CCDC88B: variants seen among roughly 807,000 people sequenced by gnomAD.
CCDC88B encodes the protein coiled-coil and HOOK domain protein 88B.
Under a neutral mutation model 183.7 loss-of-function variants are expected in CCDC88B, and 138 were observed. That is an observed-to-expected ratio of 0.75 (90% CI 0.65 to 0.87). CCDC88B has a LOEUF of 0.87. Among genes scored for constraint, CCDC88B ranks in the 40% least tolerant of loss-of-function variants. The probability of loss-of-function intolerance (pLI) is 0.00; values close to 1 mark genes in which losing one functional copy is unlikely to be tolerated. For missense variants in CCDC88B, 1,822 were observed against 1,965.6 expected (o/e 0.93, Z 1.38); for synonymous variants, 835 against 867.5 (o/e 0.96, Z 0.66).
At position 64,343,211 on chromosome 11, in the gene CCDC88B, G is replaced by C. The variant is rs479552; in HGVS notation, c.1095G>C (p.Ala365=). The change falls in exon 11 of 27, where the codon GCG becomes GCC. Residue 365 remains alanine, a synonymous_variant. Coordinates refer to ENST00000356786, the MANE Select transcript of CCDC88B (RefSeq NM_032251.6). The stretch of plus-strand genomic sequence containing the variant: ...GGGTGCTCTCGGGGGTGCTGGAGGC[G>C]TCCAAGGCGCTGCTGGAAGAGCAGC... ...EERVLSGVLE[A]SKALLEEQLE... is the part of the protein sequence containing the mutation. The C allele has an allele frequency of 0.37, 574,018 of 1,543,122 alleles. 107,888 individuals carry two copies. The highest frequency in any genetic ancestry group is 0.42 in the South Asian group (35,308 of 83,940).
rs758473777 is a variant in CCDC88B at position 64,357,220 on chromosome 11, G to T, written c.*126G>T. Reference sequence around the variant, plus strand: ...GGGGAGTCCTTGGACAAGGAGGCCTGGGCCCTGAGATCCTCCACGGTCAGC... The same window carrying T: ...GGGGAGTCCTTGGACAAGGAGGCCTTGGCCCTGAGATCCTCCACGGTCAGC... On this transcript the variant is annotated 3_prime_UTR_variant, in exon 27 of 27. Coordinates refer to ENST00000356786, the MANE Select transcript of CCDC88B (RefSeq NM_032251.6). The T allele has an allele frequency of 3.4e-6, 4 of 1,173,054 alleles. No homozygotes were observed. In the East Asian group the frequency reaches 9.6e-5, roughly 28 times the overall value. The allele number at this position is 1,173,054 out of a possible 1,614,324, so 72.7% of individuals were successfully genotyped here.
At chr11:64,350,703 CAAAA>C (rs971806620) in intron 16 of CCDC88B, 2 of 151,520 alleles carry the variant, frequency 1.3e-5, no homozygotes, top group Admixed American at 6.6e-5. Context: ...CCCAAAAAAA[CAAAA>C]AAAACCCTAA....
In CCDC88B at chr11:64,344,774, G is replaced by A. The variant is rs781247332; in HGVS notation, c.2233G>A (p.Gly745Arg). 2.5e-6 allele frequency: 4 copies of A among 1,613,958 alleles called. No homozygotes were observed. The highest frequency in any genetic ancestry group is 1.3e-5 in the African/African-American group (1 of 75,052). Residue 745 changes from glycine (G) to arginine (R), a missense_variant, in exon 14 of 27, where the codon GGA becomes AGA. Physicochemically the swap from Gly to Arg is moderately radical, Grantham distance 125 (BLOSUM62 -2). Transcript: ENST00000356786. The surrounding 1 kb of genome is among the most constrained non-coding windows in gnomAD (Gnocchi z 4.5). ...AQLRRKAEAL[G>R]DELEAQARKL... ...GTTGAGGAGAAAGGCTGAGGCCCTTGGAGATGAGCTGGAAGCCCAGGCCCG... is the reference window on the plus strand; with the variant it reads ...GTTGAGGAGAAAGGCTGAGGCCCTTAGAGATGAGCTGGAAGCCCAGGCCCG...
At chr11:64,349,021 C>T in intron 14 of CCDC88B, 1 of 717,630 alleles carries the variant, frequency 1.4e-6, no homozygotes, top group Non-Finnish European at 2.6e-6. Context: ...CCACCTTTCA[C>T]TGCGCACATG....
At chr11:64,355,755 G>C in intron 26 of CCDC88B, 127 bp downstream of exon 26, 2 of 861,746 alleles carry the variant, frequency 2.3e-6, no homozygotes, top group Non-Finnish European at 3.5e-6. Flanking sequence ...TGCTGGCAGG[G>C]GACACAGCAG....
chr11:64,356,965 C>T (rs1034586341), intron 26 of CCDC88B, 74 bp from the exon 27 acceptor site: 20 of 1,465,186 alleles, frequency 1.4e-5, no homozygotes, highest in Middle Eastern at 1.9e-4. Flanking sequence ...AGAAGGTGCT[C>T]GAGCCTGTGG....
chr11:64,357,515 G>A lies in CCDC88B; in HGVS notation c.*421G>A, dbSNP rs916028078. On this transcript the variant is annotated 3_prime_UTR_variant, in exon 27 of 27. Transcript: ENST00000356786. ...TGGACATGAGGGGCATGAGAATAAA[G>A]CTGAACTGCAGCCTCCTGAGTCTTG... is the stretch of plus-strand genomic sequence containing the variant. 20 of 689,920 alleles carry A rather than the reference G, an allele frequency of 2.9e-5. No individual in the cohort carries two copies. The highest frequency in any genetic ancestry group is 5.4e-5 in the Non-Finnish European group (20 of 369,052). 42.7% of individuals were successfully genotyped at this position (689,920 alleles called of 1,614,324 possible).
rs775777189 is a variant in CCDC88B at position 64,354,076 on chromosome 11, G to A, written c.4005G>A (p.Gly1335=). 1.5e-5 allele frequency: 22 copies of A among 1,436,750 alleles called. No homozygotes were observed. Among genetic ancestry groups the A allele is most frequent in the Admixed American group, 2.6e-5 (1 of 38,608 alleles). The allele number at this position is 1,436,750 out of a possible 1,614,324, so 89.0% of individuals were successfully genotyped here. Residue 1335 remains glycine, a synonymous_variant, in exon 24 of 27, where the codon GGG becomes GGA. Transcript: ENST00000356786. Reference sequence around the variant, plus strand: ...GGCGGGAGGGGGGCCCCCCTGGGGGGCTGCGCCTGGGGGCCGATGGGGCTG... The same window carrying A: ...GGCGGGAGGGGGGCCCCCCTGGGGGACTGCGCCTGGGGGCCGATGGGGCTG... ...RPRREGGPPG[G]LRLGADGAGS...
intron 14 of CCDC88B, among the ~76,000 whole-genome samples, chr11:64,348,049 C>CAA (rs551644268): frequency 5.6e-5 from 4 of 70,922 alleles, no homozygotes; most frequent in African/African-American, 1.7e-4. Context: ...GACTCCGTCT[C>CAA]AAAAAAAAAA....
intron 25 of CCDC88B, 69 bp downstream of exon 25, chr11:64,355,469 AGGAG>A (rs2036518961): frequency 6.3e-7 from 1 of 1,583,914 alleles, no homozygotes; most frequent in Non-Finnish European, 8.6e-7. Flanking sequence ...TCCTTGGGGG[AGGAG>A]GCTTCCTTCT....
chr11:64,353,901 C>T (rs2036440664), intron 23 of CCDC88B, 88 bp downstream of exon 23: 30 of 1,583,198 alleles, frequency 1.9e-5, no homozygotes, highest in Non-Finnish European at 2.5e-5. Flanking sequence ...CAGCTCAGGT[C>T]CAGGCCCCAT....
intron 11 of CCDC88B, 45 bp from the exon 12 acceptor site, chr11:64,343,462 T>C: frequency 6.5e-7 from 1 of 1,544,054 alleles, no homozygotes; most frequent in African/African-American, 1.4e-5. Context: ...ACACTCGGCC[T>C]GGCCATGGTG....
In CCDC88B at chr11:64,342,048, C is replaced by T. The variant is rs781540674; in HGVS notation, c.730C>T (p.Pro244Ser). 1.2e-6 allele frequency: 2 copies of T among 1,612,118 alleles called. No individual in the cohort carries two copies. The highest frequency in any genetic ancestry group is 1.7e-6 in the Non-Finnish European group (2 of 1,179,616). ...ACCCCTCTGCTTGAGGCCTGAGGCT[C>T]CCTCTAGGGCTCCCGCCGAGGGCCC... ...REPLCLRPEA[P>S]SRAPAEGPSH... Residue 244 changes from proline to serine, a missense_variant, in exon 8 of 27, where the codon CCC (proline) becomes TCC (serine). Coordinates refer to ENST00000356786, the MANE Select transcript of CCDC88B (RefSeq NM_032251.6).
intron 14 of CCDC88B, among the ~76,000 whole-genome samples, chr11:64,346,929 G>C (rs923822101): frequency 6.6e-6 from 1 of 151,554 alleles, no homozygotes; most frequent in Non-Finnish European, 1.5e-5. Context: ...CGTGTAGCTG[G>C]GACTACAGGT....
rs199609163 is a variant in CCDC88B, at chr11:64,353,128, G to A, written c.3575G>A (p.Arg1192Gln). ...LQGERGELRG[R>Q]LARLELERAQ... is the part of the protein sequence containing the mutation. Reference sequence around the variant, plus strand: ...GGTGAACGCGGGGAGCTACGGGGCCGGCTGGCGCGGCTGGAGCTGGAGCGG... The same window carrying A: ...GGTGAACGCGGGGAGCTACGGGGCCAGCTGGCGCGGCTGGAGCTGGAGCGG... Residue 1192 changes from arginine (R) to glutamine (Q), a missense_variant, in exon 21 of 27, where the codon CGG becomes CAG. Coordinates refer to ENST00000356786, the MANE Select transcript of CCDC88B (RefSeq NM_032251.6). 5.2e-5 allele frequency: 83 copies of A among 1,599,392 alleles called. No homozygotes were observed. The Admixed American group carries it at 6.2e-4, about 12-fold the overall frequency.
Position 64,344,845 on chromosome 11 carries a change from G to C in CCDC88B, c.2304G>C (p.Glu768Asp). The C allele has an allele frequency of 6.2e-7, 1 of 1,611,696 alleles. No homozygotes were observed. ...QNTEAARLSK[E>D]LAQARRAEAE... ...CGGAGGCTGCCCGCCTCTCCAAGGAGCTGGCCCAAGCGCGAAGGGCAGAGG... is the reference window on the plus strand; with the variant it reads ...CGGAGGCTGCCCGCCTCTCCAAGGACCTGGCCCAAGCGCGAAGGGCAGAGG... The change falls in exon 14 of 27, where the codon GAG (glutamate) becomes GAC (aspartate). Residue 768 changes from glutamate to aspartate, a missense_variant. By Grantham distance (45) the Glu-to-Asp change is conservative. Transcript: ENST00000356786. The surrounding 1 kb of genome is among the most constrained non-coding windows in gnomAD (Gnocchi z 4.5).
At chr11:64,340,505 C>A in intron 1 of CCDC88B, 102 bp from the exon 2 acceptor site, 1 of 1,506,968 alleles carries the variant, frequency 6.6e-7, no homozygotes, top group Non-Finnish European at 8.8e-7. Context: ...GACAGAGGCA[C>A]TCAGAGGACG....
intron 14 of CCDC88B, among the ~76,000 whole-genome samples, chr11:64,348,049 C>CAAAA (rs551644268): frequency 1.4e-5 from 1 of 70,922 alleles, no homozygotes; most frequent in African/African-American, 5.8e-5. Flanking sequence ...GACTCCGTCT[C>CAAAA]AAAAAAAAAA....
intron 14 of CCDC88B, 99 bp downstream of exon 14, chr11:64,345,256 A>T (rs1048116197): frequency 1.6e-5 from 22 of 1,335,620 alleles, no homozygotes; most frequent in African/African-American, 4.4e-5. Context: ...GGTGCCCAGC[A>T]CTGAGCTGGG....
Sources: gnomAD v4.1 joint callset for allele counts (sites outside exome capture counted in the v4.1 genomes callset) on GRCh38, gnomAD v4.1.1 for gene constraint, Gnocchi (gnomAD v3.1) non-coding constraint, MANE v1.5 for transcripts, NCBI Gene and HGNC (gene_info 2026-07-23, HGNC 2026-07-21) for gene names.